Variants in C17orf78 observed in about 807,000 individuals in gnomAD.
The protein encoded by C17orf78 is uncharacterized protein C17orf78.
In C17orf78, 27 loss-of-function variants were observed where a neutral mutation model predicts 31.8. The ratio of observed to expected loss-of-function variants is 0.85; its 90% confidence interval spans 0.63 to 1.17. C17orf78 has a LOEUF of 1.17. C17orf78 is among the 50% of genes most tolerant of loss of function. The pLI, the probability that C17orf78 is intolerant of heterozygous loss-of-function variation, is 0.00. For synonymous variants in C17orf78, 106 were observed against 115.1 expected, an observed-to-expected ratio of 0.92 and a Z score of 0.51; for missense variants, 258 against 315.2, an observed-to-expected ratio of 0.82 and a Z score of 1.37.
chr17:37,381,456 G>C (rs978049552), intron 3 of C17orf78, among the ~76,000 whole-genome samples: 1 of 151,886 alleles, frequency 6.6e-6, no homozygotes, highest in African/African-American at 2.4e-5. Context: ...AAAGTGCTAG[G>C]ATTACAAGCG....
rs1456438921 is a variant in C17orf78, at chr17:37,376,100, C to T, written c.8C>T (p.Thr3Ile). 1 of 1,612,490 alleles carries T rather than the reference C, an allele frequency of 6.2e-7. No homozygotes were observed. Among genetic ancestry groups the T allele is most frequent in the East Asian group, 2.2e-5 (1 of 44,888 alleles). Residue 3 changes from threonine (T) to isoleucine (I), a missense_variant, in exon 1 of 7, where the codon ACC becomes ATC. Coordinates refer to ENST00000615133, the MANE Select transcript of C17orf78 (RefSeq NM_173625.5). Reference protein sequence around the residue: MDTILVFSLIIAS... With the variant: MDIILVFSLIIAS... ...GCATGTGCTCAAGCTAACATGGATACCATCTTGGTCTTCAGCCTAATCATT... is the reference window on the plus strand; with the variant it reads ...GCATGTGCTCAAGCTAACATGGATATCATCTTGGTCTTCAGCCTAATCATT...
intron 6 of C17orf78, among the ~76,000 whole-genome samples, chr17:37,390,285 AAT>A (rs534154921): frequency 1.6e-4 from 8 of 49,320 alleles, no homozygotes; most frequent in African/African-American, 5.8e-4. Context: ...TATTATATAT[AAT>A]TATATATTAT....
chr17:37,378,987 T>A, intron 2 of C17orf78, 150 bp from the exon 3 acceptor site: 1 of 941,496 alleles, frequency 1.1e-6, no homozygotes, highest in East Asian at 2.7e-5. Context: ...GAGGATTGCT[T>A]GGAGATCGAG....
chr17:37,387,713 T>G (rs1190098688), intron 4 of C17orf78: 1 of 152,240 alleles, frequency 6.6e-6, no homozygotes, highest in Non-Finnish European at 1.5e-5. Flanking sequence ...CCCAAAGTGC[T>G]GGGATTACAG....
intron 4 of C17orf78, 97 bp from the exon 5 acceptor site, chr17:37,388,573 T>C (rs2050652307): frequency 7.8e-6 from 11 of 1,406,662 alleles, no homozygotes; most frequent in East Asian, 2.4e-5. Flanking sequence ...GGGCCTCTAA[T>C]AGTCTTGTGA....
chr17:37,390,319 T>TTATATATA (rs2050805035), intron 6 of C17orf78, among the ~76,000 whole-genome samples: 1 of 55,054 alleles, frequency 1.8e-5, no homozygotes, highest in African/African-American at 1.0e-4. Flanking sequence ...TATATATATA[T>TTATATATA]ATATATATAT....
intron 5 of C17orf78, among the ~76,000 whole-genome samples, 199 bp from the exon 6 acceptor site, chr17:37,389,047 C>T (rs1466536533): frequency 6.6e-6 from 1 of 152,168 alleles, no homozygotes; most frequent in African/African-American, 2.4e-5. Flanking sequence ...GTGAAAGGCA[C>T]CTGGCACACA....
intron 1 of C17orf78, among the ~76,000 whole-genome samples, chr17:37,376,484 A>G (rs1209759843): frequency 6.6e-6 from 1 of 152,180 alleles, no homozygotes; most frequent in African/African-American, 2.4e-5. Flanking sequence ...CATACTGTTC[A>G]TAAGATGTTG....
intron 4 of C17orf78, among the ~76,000 whole-genome samples, chr17:37,388,180 G>A (rs2050632717): frequency 6.6e-6 from 1 of 151,986 alleles, no homozygotes; most frequent in African/African-American, 2.4e-5. Context: ...TTAGCCATTT[G>A]CCGCCAGATT....
intron 4 of C17orf78, 41 bp downstream of exon 4, chr17:37,386,166 T>C: frequency 7.6e-7 from 1 of 1,310,616 alleles, no homozygotes; most frequent in Non-Finnish European, 1.1e-6. Context: ...ACAGAATAAG[T>C]AGGAGTAAAA....
chr17:37,390,455 T>C (rs1326798749), intron 6 of C17orf78, among the ~76,000 whole-genome samples: 2 of 144,770 alleles, frequency 1.4e-5, no homozygotes, highest in Non-Finnish European at 3.0e-5. Context: ...GGTGAAACCC[T>C]GTCTCTACTA....
intron 1 of C17orf78, among the ~76,000 whole-genome samples, chr17:37,376,949 G>A (rs1206713343): frequency 1.3e-5 from 2 of 151,956 alleles, no homozygotes; most frequent in African/African-American, 4.8e-5. Context: ...ATGAGACTCT[G>A]TCTCAAAAAA....
chr17:37,383,590 CA>C (rs1169941759), intron 3 of C17orf78, among the ~76,000 whole-genome samples: 1 of 152,216 alleles, frequency 6.6e-6, no homozygotes, highest in Non-Finnish European at 1.5e-5. Context: ...CTTTGTCCCC[CA>C]GGATGGGGTA....
intron 1 of C17orf78, among the ~76,000 whole-genome samples, chr17:37,376,908 C>G (rs116005834): frequency 1.3e-5 from 2 of 151,990 alleles, no homozygotes; most frequent in Non-Finnish European, 2.9e-5. Flanking sequence ...GAGCTGAGAT[C>G]GTACCACTGA....
intron 3 of C17orf78, among the ~76,000 whole-genome samples, chr17:37,381,907 G>T (rs74862077): frequency 6.6e-6 from 1 of 151,960 alleles, no homozygotes; most frequent in Non-Finnish European, 1.5e-5. Context: ...GATTACAGGC[G>T]TGAGCCACTG....
Position 37,392,128 on chromosome 17 carries a change from C to CTTAATAGCTTAATAGCTATAAGA in C17orf78, c.*404_*405insTTAATAGCTTAATAGCTATAAGA, listed in dbSNP as rs1412894066. 5.4e-6 allele frequency: 1 copy of CTTAATAGCTTAATAGCTATAAGA among 184,222 alleles called. No homozygotes were observed. The highest frequency in any genetic ancestry group is 1.1e-5 in the Non-Finnish European group (1 of 87,182). The allele number at this position is 184,222 out of a possible 1,614,324, so 11.4% of individuals were successfully genotyped here. A position where few individuals can be genotyped will look rare whatever the true frequency, so the allele number is the denominator to read the frequency against. On this transcript the variant is annotated 3_prime_UTR_variant, in exon 7 of 7. Coordinates refer to ENST00000615133, the MANE Select transcript of C17orf78 (RefSeq NM_173625.5). ...CACAGCTGACTTCACACTCACTGGC[C>CTTAATAGCTTAATAGCTATAAGA]CTCAATAGCTTAGAGTGGGACTCCT...
Position 37,376,108 on chromosome 17 carries a change from G to C in C17orf78, c.16G>C (p.Val6Leu). 6.2e-7 allele frequency: 1 copy of C among 1,613,106 alleles called. No individual in the cohort carries two copies. Among genetic ancestry groups the C allele is most frequent in the South Asian group, 1.1e-5 (1 of 91,052 alleles). Residue 6 changes from valine (V) to leucine (L), a missense_variant, in exon 1 of 7, where the codon GTC becomes CTC. By Grantham distance (32) the Val-to-Leu change is conservative. Transcript: ENST00000615133. MDTILVFSLIIASYDA... is the reference protein window; with the variant it reads MDTILLFSLIIASYDA... ...TCAAGCTAACATGGATACCATCTTG[G>C]TCTTCAGCCTAATCATTGCATCCTA...
intron 1 of C17orf78, 73 bp from the exon 2 acceptor site, chr17:37,377,806 A>G: frequency 8.1e-7 from 1 of 1,227,916 alleles, no homozygotes; most frequent in Non-Finnish European, 1.2e-6. Flanking sequence ...AATTCTAAAA[A>G]GTAAGTACCA....
intron 3 of C17orf78, among the ~76,000 whole-genome samples, chr17:37,381,965 T>C (rs1018302270): frequency 2.6e-5 from 4 of 152,206 alleles, no homozygotes; most frequent in Non-Finnish European, 4.4e-5. Context: ...TATTGATATA[T>C]ATTTTGGTCG....
Sources: allele counts gnomAD v4.1 joint callset (sites outside exome capture counted in the v4.1 genomes callset), GRCh38; gene constraint gnomAD v4.1.1; transcripts MANE v1.5; gene names NCBI Gene and HGNC (gene_info 2026-07-23, HGNC 2026-07-21).